Variants in SUSD4 observed in about 807,000 individuals in gnomAD.
SUSD4 encodes the protein sushi domain-containing protein 4.
SUSD4 carries 41 observed loss-of-function variants against 50.5 expected under a neutral mutation model. That is an observed-to-expected ratio of 0.81 (90% CI 0.63 to 1.05). SUSD4 has a LOEUF of 1.05. Ranked by LOEUF, SUSD4 falls within the 50% of genes least tolerant of loss-of-function variation. The pLI, the probability that SUSD4 is intolerant of heterozygous loss-of-function variation, is 0.00. For missense variants in SUSD4, 580 were observed against 634.7 expected, an observed-to-expected ratio of 0.91 and a Z score of 0.93; for synonymous variants, 257 against 257.3, an observed-to-expected ratio of 1.00 and a Z score of 0.01.
At chr1:223,304,793 CATAT>C (rs57599818) in intron 2 of SUSD4, among the ~76,000 whole-genome samples, 2 of 53,584 alleles carry the variant, frequency 3.7e-5, no homozygotes, top group South Asian at 6.0e-4. Context: ...CTCAGGTTTC[CATAT>C]ATATATATAT....
In SUSD4 at chr1:223,324,298, C is replaced by T. The variant is rs371458991; in HGVS notation, c.149-31647G>A. On this transcript the variant is annotated intron_variant, in intron 2 of 8. Transcript: ENST00000366878. The stretch of plus-strand genomic sequence containing the variant: ...AAACACAGAATCAAAGACATAAGGG[C>T]TGTGACAAAGGCAGAGTGTCTTGGG... 2.6e-5 allele frequency among the ~76,000 whole-genome samples: 4 copies of T among 151,290 alleles called. No homozygotes were observed. In the South Asian group the frequency reaches 8.5e-4, roughly 32 times the overall value.
chr1:223,266,143 G>A (rs920926827), intron 4 of SUSD4, among the ~76,000 whole-genome samples: 4 of 152,158 alleles, frequency 2.6e-5, no homozygotes, highest in African/African-American at 4.8e-5. Context: ...GGGGCCATGC[G>A]GCTCTGCAGA....
chr1:223,340,938 C>T (rs577680619), intron 2 of SUSD4, among the ~76,000 whole-genome samples: 2 of 152,282 alleles, frequency 1.3e-5, no homozygotes, highest in African/African-American at 4.8e-5. Context: ...TACACATATT[C>T]GTTTAATGTG....
chr1:223,239,858 A>C (rs1230749150), intron 5 of SUSD4, among the ~76,000 whole-genome samples: 1 of 151,842 alleles, frequency 6.6e-6, no homozygotes, highest in Admixed American at 6.6e-5. Flanking sequence ...TTTTACCTTC[A>C]CTCATTCCTT....
chr1:223,354,095 G>A lies in SUSD4; in HGVS notation c.148+9183C>T, dbSNP rs145106920. On this transcript the variant is annotated intron_variant, in intron 2 of 8. Transcript: ENST00000366878. The stretch of plus-strand genomic sequence containing the variant: ...TCTGACTCTTCTGCAGCTGAGCCTC[G>A]GACAGCTCTATGTGGATTCTCCACC... Among the ~76,000 whole-genome samples the A allele has an allele frequency of 1.4e-3, 213 of 151,676 alleles. 1 individual carries two copies. Among genetic ancestry groups the A allele is most frequent in the African/African-American group, 4.9e-3 (204 of 41,364 alleles).
chr1:223,256,015 A>G (rs1045722317), intron 5 of SUSD4, among the ~76,000 whole-genome samples: 3 of 152,212 alleles, frequency 2.0e-5, no homozygotes, highest in African/African-American at 7.2e-5. Context: ...CACTTGGCAC[A>G]TTGTACATCC....
At chr1:223,306,034 A>C (rs1442558198) in intron 2 of SUSD4, among the ~76,000 whole-genome samples, 2 of 152,252 alleles carry the variant, frequency 1.3e-5, no homozygotes, top group Non-Finnish European at 2.9e-5. Context: ...TAAACGTCAC[A>C]AAAATAAGTC....
At chr1:223,259,177 G>A (rs760380553) in intron 5 of SUSD4, among the ~76,000 whole-genome samples, 2 of 152,230 alleles carry the variant, frequency 1.3e-5, no homozygotes, top group Non-Finnish European at 2.9e-5. Context: ...GCATAAAAAT[G>A]TTGGCTGAAT....
At chr1:223,247,168 C>T (rs977102211) in intron 5 of SUSD4, among the ~76,000 whole-genome samples, 3 of 152,194 alleles carry the variant, frequency 2.0e-5, no homozygotes, top group Admixed American at 6.5e-5. Context: ...CCACACAGCT[C>T]GTGGGAGAGG....
chr1:223,326,260 A>G (rs1666872156), intron 2 of SUSD4, among the ~76,000 whole-genome samples: 1 of 152,146 alleles, frequency 6.6e-6, no homozygotes, highest in African/African-American at 2.4e-5. Flanking sequence ...AATGGACACC[A>G]TATTTAGTAA....
chr1:223,253,713 T>G lies in SUSD4; in HGVS notation c.724+10917A>C, dbSNP rs1571892900. Among the ~76,000 whole-genome samples the G allele has an allele frequency of 2.6e-5, 4 of 152,322 alleles. No homozygotes were observed. In the South Asian group the frequency reaches 8.3e-4, roughly 32 times the overall value. On this transcript the variant is annotated intron_variant, in intron 5 of 8. Transcript: ENST00000366878. ...AGGTTTTATTACTATGAAATACAAG[T>G]CATCTTACTTCCCAGAGAGGAAAGA...
At chr1:223,327,795 T>C (rs1441897520) in intron 2 of SUSD4, among the ~76,000 whole-genome samples, 1 of 152,186 alleles carries the variant, frequency 6.6e-6, no homozygotes, top group Non-Finnish European at 1.5e-5. Flanking sequence ...CCTAACCCTA[T>C]CACAGGCAGT....
rs1279401516 is a variant in SUSD4, at chr1:223,268,635, G to C, written c.402C>G (p.Asn134Lys). Residue 134 changes from asparagine (N) to lysine (K), a missense_variant, in exon 4 of 9, where the codon AAC (asparagine) becomes AAG (lysine). Transcript: ENST00000366878. ...GCTTCTCTCCATGTCTATATGTCTTGTTATGAATCTCAGCATCTTCGATTT... is the reference window on the plus strand; with the variant it reads ...GCTTCTCTCCATGTCTATATGTCTTCTTATGAATCTCAGCATCTTCGATTT... ...IPQIEDAEIHNKTYRHGEKLI... is the reference protein window; with the variant it reads ...IPQIEDAEIHKKTYRHGEKLI... 1 of 1,613,578 alleles carries C rather than the reference G, an allele frequency of 6.2e-7. No individual in the cohort carries two copies. Among genetic ancestry groups the C allele is most frequent in the African/African-American group, 1.3e-5 (1 of 74,896 alleles).
At chr1:223,233,669 G>T (rs573994974) in intron 5 of SUSD4, among the ~76,000 whole-genome samples, 2 of 152,140 alleles carry the variant, frequency 1.3e-5, no homozygotes, top group Non-Finnish European at 2.9e-5. Flanking sequence ...TAGAAATTCC[G>T]GTGAGTAAAA....
chr1:223,296,679 G>A (rs1231009610), intron 2 of SUSD4, among the ~76,000 whole-genome samples: 1 of 152,172 alleles, frequency 6.6e-6, no homozygotes, highest in East Asian at 1.9e-4. Flanking sequence ...TAATCCCCAT[G>A]TCATGGCAGG....
At chr1:223,240,266 GT>G (rs914413008) in intron 5 of SUSD4, among the ~76,000 whole-genome samples, 3 of 151,892 alleles carry the variant, frequency 2.0e-5, no homozygotes, top group Non-Finnish European at 4.4e-5. Flanking sequence ...AGTTGTTTTA[GT>G]TTTTTTGTTT....
chr1:223,364,233 C>T (rs1466633864), upstream of SUSD4: 1 of 149,984 alleles, frequency 6.7e-6, no homozygotes, highest in Non-Finnish European at 1.5e-5. This position sits in a 1 kb window ranked among gnomAD's most constrained non-coding sequence, Gnocchi z 4.5. Context: ...CAGGCGCCCC[C>T]GAGCGGGCGG....
At chr1:223,274,522 C>T (rs984161602) in intron 3 of SUSD4, among the ~76,000 whole-genome samples, 1 of 152,190 alleles carries the variant, frequency 6.6e-6, no homozygotes, top group Non-Finnish European at 1.5e-5. Context: ...CTGGCTTAAA[C>T]TCACTGAGAA....
chr1:223,277,856 A>G (rs1025109304), intron 3 of SUSD4, among the ~76,000 whole-genome samples: 2 of 152,218 alleles, frequency 1.3e-5, no homozygotes, highest in Non-Finnish European at 2.9e-5. Flanking sequence ...TTTGTCGAAC[A>G]CTAGAGAAAA....
Sources: allele counts gnomAD v4.1 joint callset (sites outside exome capture counted in the v4.1 genomes callset), GRCh38; gene constraint gnomAD v4.1.1; non-coding constraint Gnocchi (gnomAD v3.1); transcripts MANE v1.5; gene names NCBI Gene and HGNC (gene_info 2026-07-23, HGNC 2026-07-21).